TRPC4AP: variants seen among roughly 807,000 people sequenced by gnomAD.
The protein encoded by TRPC4AP is short transient receptor potential channel 4-associated protein.
A neutral mutation model predicts 99.0 loss-of-function variants in TRPC4AP; 45 were observed. The ratio of observed to expected loss-of-function variants is 0.45; its 90% CI spans 0.36 to 0.58. The LOEUF is 0.58. Among genes scored for constraint, TRPC4AP ranks in the 20% least tolerant of loss-of-function variants. The probability of loss-of-function intolerance (pLI) is 0.00; values close to 1 mark genes in which losing one functional copy is unlikely to be tolerated. For missense variants in TRPC4AP, 879 were observed against 985.3 expected, an observed-to-expected ratio of 0.89 and a Z score of 1.44; for synonymous variants, 408 against 385.8, an observed-to-expected ratio of 1.06 and a Z score of -0.67.
intron 1 of TRPC4AP, among the ~76,000 whole-genome samples, chr20:35,086,202 G>C (rs1301359744): frequency 6.6e-6 from 1 of 151,924 alleles, no homozygotes; most frequent in Non-Finnish European, 1.5e-5. Flanking sequence ...TAAAGAATCC[G>C]TCTAGCTCGG....
chr20:35,048,196 G>A (rs1252910372), intron 6 of TRPC4AP, among the ~76,000 whole-genome samples: 1 of 145,498 alleles, frequency 6.9e-6, no homozygotes, highest in Non-Finnish European at 1.5e-5. Flanking sequence ...TTTTCATGCT[G>A]ATTTGTAAGA....
chr20:35,024,854 A>AAAAAAAAAAAAACAAAAAACAT (rs1479270980), intron 8 of TRPC4AP, among the ~76,000 whole-genome samples: 2 of 89,480 alleles, frequency 2.2e-5, no homozygotes, highest in Admixed American at 1.5e-4. Flanking sequence ...AAAAAAAAAA[A>AAAAAAAAAAAAACAAAAAACAT]ATTCTGTTTA....
At chr20:35,028,763 T>C (rs1015217588) in intron 8 of TRPC4AP, among the ~76,000 whole-genome samples, 2 of 152,212 alleles carry the variant, frequency 1.3e-5, no homozygotes, top group South Asian at 2.1e-4. Flanking sequence ...TTAAAAGTAG[T>C]ATGTTAAGGT....
chr20:35,007,578 A>G lies in TRPC4AP; in HGVS notation c.1658T>C (p.Met553Thr). 6.2e-7 allele frequency: 1 copy of G among 1,614,202 alleles called. No individual in the cohort carries two copies. The highest frequency in any genetic ancestry group is 8.5e-7 in the Non-Finnish European group (1 of 1,180,028). The change falls in exon 14 of 19, where the codon ATG becomes ACG. Residue 553 changes from methionine to threonine, a missense_variant. By Grantham distance (81) the Met-to-Thr change is moderately conservative. This residue lies in a region of TRPC4AP where 52 missense variants were observed against 88.7 expected (regional missense o/e 0.59). Transcript: ENST00000252015. The part of the protein sequence containing the change: ...LRGTTSYADQ[M>T]FLLKRGLLEH... ...CAAGAGGCCTCGCTTCAGCAGGAAC[A>G]TCTGGTCTGCATAGGAGGTGGTCCC...
At chr20:35,025,710 T>A (rs1007725386) in intron 8 of TRPC4AP, among the ~76,000 whole-genome samples, 1 of 152,220 alleles carries the variant, frequency 6.6e-6, no homozygotes, top group Admixed American at 6.5e-5. Flanking sequence ...ACAAAAAACG[T>A]TCTTCCATTC....
At chr20:35,007,418 G>A (rs2147265815) in intron 14 of TRPC4AP, 132 bp downstream of exon 14, 3 of 930,934 alleles carry the variant, frequency 3.2e-6, no homozygotes, top group South Asian at 3.4e-5. Flanking sequence ...ATCTAAGGCA[G>A]CCTGCACAGG....
chr20:35,030,049 C>T (rs965866862), intron 8 of TRPC4AP, among the ~76,000 whole-genome samples: 4 of 149,670 alleles, frequency 2.7e-5, no homozygotes, highest in Non-Finnish European at 5.9e-5. Flanking sequence ...CGAGACCAGC[C>T]TGACTAACAT....
chr20:35,042,208 G>A (rs1401406579), intron 7 of TRPC4AP, among the ~76,000 whole-genome samples: 1 of 152,208 alleles, frequency 6.6e-6, no homozygotes, highest in African/African-American at 2.4e-5. Context: ...CTTGTATCTA[G>A]TGACACAGGA....
chr20:35,022,312 C>T (rs1426153064), intron 8 of TRPC4AP, among the ~76,000 whole-genome samples: 7 of 152,284 alleles, frequency 4.6e-5, no homozygotes, highest in Admixed American at 6.5e-5. Flanking sequence ...TGTGCCACCA[C>T]GCCCAGCTAA....
chr20:35,032,302 G>T (rs993200158), intron 8 of TRPC4AP, among the ~76,000 whole-genome samples: 2 of 152,054 alleles, frequency 1.3e-5, no homozygotes, highest in African/African-American at 4.8e-5. Context: ...TGGGATTACA[G>T]GTGTGAGCCA....
chr20:35,003,188 C>T lies in TRPC4AP; in HGVS notation c.2352G>A (p.Glu784=), dbSNP rs1304467587. ...QSPSALVSYI[E]EPYMDIDRDF... is the part of the protein sequence containing the mutation. ...CCCTGTCTATGTCCATGTAGGGCTCCTCAATGTAGCTAACGAGAGCAGAGG... is the reference window on the plus strand; with the variant it reads ...CCCTGTCTATGTCCATGTAGGGCTCTTCAATGTAGCTAACGAGAGCAGAGG... Residue 784 remains glutamate (E), a synonymous_variant, in exon 19 of 19, where the codon GAG becomes GAA. Transcript: ENST00000252015. 6.2e-7 allele frequency: 1 copy of T among 1,614,122 alleles called. No homozygotes were observed. Among genetic ancestry groups the T allele is most frequent in the African/African-American group, 1.3e-5 (1 of 74,950 alleles).
chr20:35,006,718 C>G (rs934938857), intron 14 of TRPC4AP, 143 bp from the exon 15 acceptor site: 2 of 1,155,032 alleles, frequency 1.7e-6, no homozygotes, highest in African/African-American at 3.1e-5. Flanking sequence ...TCTGAGGATG[C>G]TGGTGGCTCC....
Position 35,003,248 on chromosome 20 carries a change from T to G in TRPC4AP, c.2292A>C (p.Thr764=). 1 of 1,614,184 alleles carries G rather than the reference T, an allele frequency of 6.2e-7. No homozygotes were observed. The highest frequency in any genetic ancestry group is 8.5e-7 in the Non-Finnish European group (1 of 1,180,014). The change falls in exon 19 of 19, where the codon ACA becomes ACC. Residue 764 remains threonine (T), a synonymous_variant. Coordinates refer to ENST00000252015, the MANE Select transcript of TRPC4AP (RefSeq NM_015638.3). The part of the protein sequence containing the change: ...SCISFSYWKE[T]VSILLNPDRQ... ...GGTCCGGGTTCAACAGGATGGACAC[T>G]GTCTCCTTCCAGTATGAGAAGCTGA... is the stretch of plus-strand genomic sequence containing the variant.
rs758104900 is a variant in TRPC4AP, at chr20:35,003,583, T to A, written c.2083A>T (p.Ile695Phe). ...TCTTTCCGTCGGGCCAGCATCAGGA[T>A]CACCAGGCTGGTGTTGAGGCAGCTG... ...NVSCLNTSLV[I>F]LMLARRKERL... The change falls in exon 18 of 19, where the codon ATC (isoleucine) becomes TTC (phenylalanine). Residue 695 changes from isoleucine (I) to phenylalanine (F), a missense_variant. Coordinates refer to ENST00000252015, the MANE Select transcript of TRPC4AP (RefSeq NM_015638.3). The A allele has an allele frequency of 1.2e-6, 2 of 1,613,810 alleles. No individual in the cohort carries two copies. Among genetic ancestry groups the A allele is most frequent in the Non-Finnish European group, 1.7e-6 (2 of 1,179,966 alleles).
chr20:35,077,744 T>C (rs755263319), intron 2 of TRPC4AP, among the ~76,000 whole-genome samples: 3 of 152,144 alleles, frequency 2.0e-5, no homozygotes, highest in Non-Finnish European at 4.4e-5. Flanking sequence ...AAAAAGAATG[T>C]CATCCCAATC....
chr20:35,080,097 T>C (rs1026137932), intron 1 of TRPC4AP, among the ~76,000 whole-genome samples: 1 of 149,666 alleles, frequency 6.7e-6, no homozygotes, highest in Non-Finnish European at 1.5e-5. Flanking sequence ...AAATAAAATA[T>C]AGTATATCCA....
intron 5 of TRPC4AP, among the ~76,000 whole-genome samples, chr20:35,054,746 A>C (rs1226444099): frequency 6.6e-6 from 1 of 152,192 alleles, no homozygotes; most frequent in African/African-American, 2.4e-5. Context: ...AGGCCAAAGG[A>C]GTTTACTACC....
At chr20:35,055,339 T>C (rs1186675063) in intron 4 of TRPC4AP, among the ~76,000 whole-genome samples, 1 of 152,216 alleles carries the variant, frequency 6.6e-6, no homozygotes, top group Non-Finnish European at 1.5e-5. Flanking sequence ...ATGTCTTGCT[T>C]AGGATATATC....
Position 35,029,710 on chromosome 20 carries a change from A to T in TRPC4AP, c.1051+5413T>A, listed in dbSNP as rs1271475301. ...GAGTGCAGTGGCGCGATCTCGGTTC[A>T]CTGCAAGCTCCGCCTCCTGGGTTCA... On this transcript the variant is annotated intron_variant, in intron 8 of 18. Coordinates refer to ENST00000252015, the MANE Select transcript of TRPC4AP (RefSeq NM_015638.3). Among the ~76,000 whole-genome samples the T allele has an allele frequency of 1.2e-4, 15 of 126,596 alleles. No homozygotes were observed. The Admixed American group carries it at 1.6e-3, about 13-fold the overall frequency. The allele number at this position is 126,596 out of a possible 152,430, so 83.1% of individuals were successfully genotyped here.
Sources: gnomAD v4.1 joint callset for allele counts (sites outside exome capture counted in the v4.1 genomes callset) on GRCh38, gnomAD v4.1.1 for gene constraint, gnomAD v4.1.1 regional missense constraint, MANE v1.5 for transcripts, NCBI Gene and HGNC (gene_info 2026-07-23, HGNC 2026-07-21) for gene names.